Variants in PLEKHH2 observed in about 807,000 individuals in gnomAD.
PLEKHH2 encodes pleckstrin homology, MyTH4 and FERM domain containing H2.
PLEKHH2 carries 129 observed loss-of-function variants against 187.9 expected under a neutral mutation model. The ratio of observed to expected loss-of-function variants is 0.69; its 90% CI spans 0.59 to 0.79. The LOEUF is 0.79. Among genes scored for constraint, PLEKHH2 ranks in the 30% least tolerant of loss-of-function variants. The pLI is 0.00. For missense variants in PLEKHH2, 2,076 were observed against 1,751.2 expected (o/e 1.19, Z -3.31); for synonymous variants, 686 against 605.6 (o/e 1.13, Z -1.95).
chr2:43,676,761 C>T (rs543043947), intron 2 of PLEKHH2, among the ~76,000 whole-genome samples: 53 of 152,046 alleles, frequency 3.5e-4, no homozygotes, highest in Non-Finnish European at 6.8e-4. Context: ...TTATAATATT[C>T]GTTTTAGTAT....
intron 2 of PLEKHH2, among the ~76,000 whole-genome samples, chr2:43,645,959 T>C (rs1435326544): frequency 6.6e-6 from 1 of 152,126 alleles, no homozygotes; most frequent in Non-Finnish European, 1.5e-5. Flanking sequence ...TAGCCAAGAA[T>C]CTCTTAGTAC....
At position 43,743,856 on chromosome 2, in the gene PLEKHH2, C is replaced by T. The variant is rs1405806330; in HGVS notation, c.3422C>T (p.Thr1141Ile). Residue 1141 changes from threonine to isoleucine, a missense_variant, in exon 23 of 30, where the codon ACC (threonine) becomes ATC (isoleucine). By Grantham distance (89) the Thr-to-Ile change is moderately conservative. Coordinates refer to ENST00000282406, the MANE Select transcript of PLEKHH2 (RefSeq NM_172069.4). Reference sequence around the variant, plus strand: ...TAGGTAGTTGGTTTTGACGCATCTACCACAGTGGAAGAATTTTTGAATACT... The same window carrying T: ...TAGGTAGTTGGTTTTGACGCATCTATCACAGTGGAAGAATTTTTGAATACT... Reference protein sequence around the residue: ...IYQVVGFDASTTVEEFLNTLN... With the variant: ...IYQVVGFDASITVEEFLNTLN... 3.1e-6 allele frequency: 5 copies of T among 1,613,670 alleles called. No individual in the cohort carries two copies. The highest frequency in any genetic ancestry group is 4.2e-6 in the Non-Finnish European group (5 of 1,179,814).
intron 2 of PLEKHH2, chr2:43,675,556 A>C: frequency 6.2e-7 from 1 of 1,613,918 alleles, no homozygotes. Flanking sequence ...GTTATTAGAC[A>C]ATGCCTCTTC....
At chr2:43,692,792 A>G in intron 4 of PLEKHH2, 129 bp downstream of exon 4, 1 of 1,002,010 alleles carries the variant, frequency 1.0e-6, no homozygotes, top group Non-Finnish European at 1.5e-6. Context: ...AACCCATAGG[A>G]TTGCATCACA....
intron 24 of PLEKHH2, among the ~76,000 whole-genome samples, chr2:43,749,635 G>T (rs1039702051): frequency 6.6e-6 from 1 of 152,160 alleles, no homozygotes. Flanking sequence ...CAACTGAAAG[G>T]CTTGATTTTT....
At chr2:43,709,135 A>G (rs1572597341) in intron 11 of PLEKHH2, among the ~76,000 whole-genome samples, 1 of 152,210 alleles carries the variant, frequency 6.6e-6, no homozygotes, top group African/African-American at 2.4e-5. Context: ...TAAATGTTCC[A>G]TTGAATTTTA....
At chr2:43,669,342 GT>G (rs1171467152) in intron 2 of PLEKHH2, among the ~76,000 whole-genome samples, 8 of 152,148 alleles carry the variant, frequency 5.3e-5, no homozygotes, top group Admixed American at 5.2e-4. Context: ...TGGGTACAGG[GT>G]TTTTTTAGGG....
Position 43,757,173 on chromosome 2 carries a change from A to G in PLEKHH2, c.3850A>G (p.Asn1284Asp). Residue 1284 changes from asparagine to aspartate, a missense_variant, in exon 26 of 30, where the codon AAT becomes GAT. By Grantham distance (23) the Asn-to-Asp change is conservative. Transcript: ENST00000282406. ...PFSTPAGHVT[N>D]QCKVNQTLKQ... is the part of the protein sequence containing the mutation. ...CTCAACTCCAGCAGGGCATGTTACC[A>G]ATCAGTGCAAAGTGAATCAAACTCT... is the stretch of plus-strand genomic sequence containing the variant. 1.2e-6 allele frequency: 2 copies of G among 1,603,388 alleles called. No individual in the cohort carries two copies. Among genetic ancestry groups the G allele is most frequent in the Non-Finnish European group, 1.7e-6 (2 of 1,175,706 alleles).
At chr2:43,744,255 G>A in intron 23 of PLEKHH2, 1 of 631,576 alleles carries the variant, frequency 1.6e-6, no homozygotes, top group Non-Finnish European at 2.2e-6. Context: ...AGGATAATAA[G>A]GGTAGATATG....
chr2:43,738,323 T>C lies in PLEKHH2; in HGVS notation c.2944-18T>C, dbSNP rs895083222. On this transcript the variant is annotated intron_variant, in intron 19 of 29. Coordinates refer to ENST00000282406, the MANE Select transcript of PLEKHH2 (RefSeq NM_172069.4). The stretch of plus-strand genomic sequence containing the variant: ...AATCACTCCTCACCTTGAATATATC[T>C]TTTTTTGTTTAATTCAGACCTGCCA... 3 of 1,583,752 alleles carry C rather than the reference T, an allele frequency of 1.9e-6. No individual in the cohort carries two copies. In the South Asian group the frequency reaches 3.4e-5, roughly 18 times the overall value.
intron 28 of PLEKHH2, among the ~76,000 whole-genome samples, chr2:43,763,414 T>G (rs1672505278): frequency 6.7e-6 from 1 of 149,048 alleles, no homozygotes; most frequent in African/African-American, 2.6e-5. Flanking sequence ...TTATTTTATT[T>G]TATTGATTTA....
rs1232123154 is a variant in PLEKHH2, at chr2:43,710,201, T to C, written c.2104-19T>C. The C allele has an allele frequency of 2.5e-6, 4 of 1,611,862 alleles. No homozygotes were observed. Among genetic ancestry groups the C allele is most frequent in the African/African-American group, 2.7e-5 (2 of 74,780 alleles). On this transcript the variant is annotated intron_variant, in intron 12 of 29. Transcript: ENST00000282406. ...CAAAAGGAAACTGAAAATGCTTTTG[T>C]CTATCTTTTAAAAATTAGGAACCAC...
At chr2:43,659,641 C>T (rs1251933697) in intron 2 of PLEKHH2, among the ~76,000 whole-genome samples, 1 of 151,072 alleles carries the variant, frequency 6.6e-6, no homozygotes, top group African/African-American at 2.4e-5. Context: ...CACTGGCAAC[C>T]TCTGCCTCCC....
chr2:43,673,654 C>T (rs915233775), intron 2 of PLEKHH2, among the ~76,000 whole-genome samples: 1 of 152,066 alleles, frequency 6.6e-6, no homozygotes, highest in African/African-American at 2.4e-5. Context: ...CATTGAACAC[C>T]TGTTAAGTAT....
intron 4 of PLEKHH2, among the ~76,000 whole-genome samples, chr2:43,693,742 G>GAAAAAAAAAAAA (rs1304124515): frequency 7.1e-5 from 7 of 99,174 alleles, no homozygotes; most frequent in African/African-American, 8.8e-5. Flanking sequence ...AAAAAAAAAG[G>GAAAAAAAAAAAA]AAAAAATTGC....
At chr2:43,642,039 G>C (rs1488154452) in intron 1 of PLEKHH2, among the ~76,000 whole-genome samples, 1 of 152,142 alleles carries the variant, frequency 6.6e-6, no homozygotes, top group Admixed American at 6.6e-5. Flanking sequence ...GATAGAGATT[G>C]CATTGTGTGT....
intron 1 of PLEKHH2, among the ~76,000 whole-genome samples, 194 bp from the exon 2 acceptor site, chr2:43,644,477 A>G (rs922329635): frequency 6.6e-6 from 1 of 152,098 alleles, no homozygotes; most frequent in Non-Finnish European, 1.5e-5. Flanking sequence ...CCTATTTCCC[A>G]TTAAGTTCTT....
At chr2:43,712,510 T>C (rs1032556413) in intron 15 of PLEKHH2, 127 bp downstream of exon 15, 1 of 1,121,766 alleles carries the variant, frequency 8.9e-7, no homozygotes, top group Non-Finnish European at 1.2e-6. Flanking sequence ...TAGGAAAGGG[T>C]GTTTTTAAGT....
chr2:43,739,075 G>A (rs1382461193), intron 20 of PLEKHH2, among the ~76,000 whole-genome samples: 1 of 152,090 alleles, frequency 6.6e-6, no homozygotes, highest in East Asian at 1.9e-4. Context: ...ATTTTTAGCA[G>A]AGATGGGGTT....
Sources: allele counts gnomAD v4.1 joint callset (sites outside exome capture counted in the v4.1 genomes callset), GRCh38; gene constraint gnomAD v4.1.1; transcripts MANE v1.5; gene names NCBI Gene and HGNC (gene_info 2026-07-23, HGNC 2026-07-21).